The following DGKG variants were observed in gnomAD, a reference collection of about 807,000 sequenced individuals.
The protein encoded by DGKG is diacylglycerol kinase gamma, also known as DAG kinase gamma.
In DGKG, 78 loss-of-function variants were observed where a neutral mutation model predicts 105.3. The observed-to-expected ratio is 0.74, with a 90% CI of 0.62 to 0.89. The LOEUF is 0.89. DGKG is among the 40% of genes least tolerant of loss of function. DGKG has a pLI of 0.00. For synonymous variants in DGKG, 346 were observed against 367.1 expected, an observed-to-expected ratio of 0.94 and a Z score of 0.66; for missense variants, 958 against 1,020.1, an observed-to-expected ratio of 0.94 and a Z score of 0.83.
At chr3:186,232,216 A>G (rs918057861) in intron 20 of DGKG, among the ~76,000 whole-genome samples, 11 of 152,246 alleles carry the variant, frequency 7.2e-5, no homozygotes, top group African/African-American at 2.7e-4. Context: ...GGAAAAGGCC[A>G]ATAAAACTCC....
chr3:186,342,195 G>A (rs954430690), intron 1 of DGKG, among the ~76,000 whole-genome samples: 3 of 152,120 alleles, frequency 2.0e-5, no homozygotes, highest in Non-Finnish European at 4.4e-5. Flanking sequence ...CTACATTAAT[G>A]GGCTGAATAG....
At chr3:186,312,297 A>G (rs1724593477) in intron 2 of DGKG, among the ~76,000 whole-genome samples, 1 of 152,122 alleles carries the variant, frequency 6.6e-6, no homozygotes. Context: ...TCATTCCTCA[A>G]AGTTCTCTAT....
chr3:186,202,443 G>A (rs1718516681), intron 21 of DGKG, among the ~76,000 whole-genome samples: 1 of 152,180 alleles, frequency 6.6e-6, no homozygotes, highest in Admixed American at 6.5e-5. Flanking sequence ...TTAATAACCT[G>A]TGATTGTAGA....
intron 5 of DGKG, among the ~76,000 whole-genome samples, chr3:186,297,068 TCACACACACA>T (rs55826465): frequency 1.5e-5 from 2 of 130,420 alleles, no homozygotes; most frequent in African/African-American, 2.9e-5. Context: ...TCTGTCTCTC[TCACACACACA>T]CACACACACA....
chr3:186,254,766 T>G (rs1313306566), intron 17 of DGKG, among the ~76,000 whole-genome samples: 1 of 152,132 alleles, frequency 6.6e-6, no homozygotes, highest in Non-Finnish European at 1.5e-5. Context: ...ACCCTCCTAG[T>G]GTGTCACCCA....
At chr3:186,289,728 G>T (rs1405555752) in intron 5 of DGKG, among the ~76,000 whole-genome samples, 2 of 152,138 alleles carry the variant, frequency 1.3e-5, no homozygotes, top group Admixed American at 6.5e-5. Flanking sequence ...AAGGGAAGAT[G>T]GACAGTGGAA....
At chr3:186,355,633 C>G (rs1354099743) in intron 1 of DGKG, among the ~76,000 whole-genome samples, 1 of 151,790 alleles carries the variant, frequency 6.6e-6, no homozygotes, top group Non-Finnish European at 1.5e-5. Context: ...CTACTGCCAC[C>G]ACTATCACCA....
intron 1 of DGKG, among the ~76,000 whole-genome samples, chr3:186,335,663 T>G (rs1010266087): frequency 2.6e-5 from 4 of 152,232 alleles, no homozygotes; most frequent in African/African-American, 9.6e-5. Flanking sequence ...ATGCTGCTGG[T>G]GTGGAAGTAA....
chr3:186,182,400 C>A (rs1332516363), intron 22 of DGKG, among the ~76,000 whole-genome samples: 1 of 152,144 alleles, frequency 6.6e-6, no homozygotes, highest in Admixed American at 6.5e-5. Flanking sequence ...TCTCATTTAA[C>A]CCTCAAAACA....
intron 9 of DGKG, among the ~76,000 whole-genome samples, chr3:186,278,509 G>T (rs1722687726): frequency 1.3e-5 from 2 of 152,128 alleles, no homozygotes; most frequent in South Asian, 4.2e-4. Flanking sequence ...CATTTCTCTG[G>T]GTCTCAGTTT....
rs748490784 is a variant in DGKG at position 186,251,820 on chromosome 3, T to G, written c.1700A>C (p.Glu567Ala). 9 of 1,614,014 alleles carry G rather than the reference T, an allele frequency of 5.6e-6. No homozygotes were observed. The highest frequency in any genetic ancestry group is 7.6e-6 in the Non-Finnish European group (9 of 1,179,916). ...RWHLEVIPRE[E>A]VENGDQVPYS... ...TGGGACCTGGTCCCCGTTTTCCACTTCCTCTCTGGGGATGACTTCCAGATG... is the reference window on the plus strand; with the variant it reads ...TGGGACCTGGTCCCCGTTTTCCACTGCCTCTCTGGGGATGACTTCCAGATG... The change falls in exon 19 of 25, where the codon GAA becomes GCA. Residue 567 changes from glutamate to alanine, a missense_variant. Physicochemically the swap from Glu to Ala is moderately radical, Grantham distance 107. Transcript: ENST00000265022.
chr3:186,245,429 A>G (rs1246019284), intron 19 of DGKG, among the ~76,000 whole-genome samples: 2 of 152,206 alleles, frequency 1.3e-5, no homozygotes, highest in Non-Finnish European at 2.9e-5. Flanking sequence ...TGGAGCTTCT[A>G]TGTCAGGCAA....
chr3:186,236,545 GC>G (rs560522899), intron 20 of DGKG, among the ~76,000 whole-genome samples: 42 of 152,316 alleles, frequency 2.8e-4, no homozygotes, highest in Non-Finnish European at 8.8e-5. Flanking sequence ...AAGTTTTGAT[GC>G]CAACTTACTC....
chr3:186,183,059 G>C (rs1717434504), intron 22 of DGKG, among the ~76,000 whole-genome samples: 1 of 152,206 alleles, frequency 6.6e-6, no homozygotes, highest in Non-Finnish European at 1.5e-5. Context: ...AGGCCTTGCA[G>C]AGGGAGCAGA....
intron 11 of DGKG, among the ~76,000 whole-genome samples, chr3:186,269,323 T>C (rs1417877942): frequency 6.6e-6 from 1 of 152,228 alleles, no homozygotes; most frequent in Admixed American, 6.5e-5. Flanking sequence ...CAGACAAAAC[T>C]GGCTGGAGTC....
chr3:186,307,531 C>T lies in DGKG; in HGVS notation c.68-554G>A, dbSNP rs575643329. ...TAAGCATTCCCTTCATTGGCTCCCA[C>T]GTGACTTGTACACAACTATGTAATA... On this transcript the variant is annotated intron_variant, in intron 2 of 24. Transcript: ENST00000265022. Among the ~76,000 whole-genome samples, 157 of 152,306 alleles carry T rather than the reference C, an allele frequency of 1.0e-3. 3 individuals carry two copies. The highest frequency in any genetic ancestry group is 9.2e-4 in the Admixed American group (14 of 15,288).
chr3:186,161,314 A>C, intron 24 of DGKG: 1 of 1,247,658 alleles, frequency 8.0e-7, no homozygotes, highest in Non-Finnish European at 1.0e-6. Flanking sequence ...AGGATACAGT[A>C]GATGAAGTCT....
At chr3:186,151,343 C>T (rs1032490631) in intron 24 of DGKG, among the ~76,000 whole-genome samples, 5 of 152,150 alleles carry the variant, frequency 3.3e-5, no homozygotes, top group South Asian at 2.1e-4. Flanking sequence ...ACAGTGTGAC[C>T]GCAGGGAACA....
chr3:186,193,923 G>C (rs1226503650), intron 21 of DGKG, among the ~76,000 whole-genome samples: 1 of 152,236 alleles, frequency 6.6e-6, no homozygotes, highest in Non-Finnish European at 1.5e-5. Flanking sequence ...CGGAACCAGG[G>C]ATTTATAGCC....
Sources: allele counts gnomAD v4.1 joint callset (sites outside exome capture counted in the v4.1 genomes callset), GRCh38; gene constraint gnomAD v4.1.1; transcripts MANE v1.5; gene names NCBI Gene and HGNC (gene_info 2026-07-23, HGNC 2026-07-21).